Variants in IL2RA observed in about 807,000 individuals in gnomAD.
IL2RA encodes interleukin 2 receptor subunit alpha, also known as interleukin-2 receptor subunit alpha.
In IL2RA, 24 loss-of-function variants were observed where a neutral mutation model predicts 37.8. The ratio of observed to expected loss-of-function variants is 0.63; its 90% CI spans 0.46 to 0.89. The LOEUF is 0.89. Ranked by LOEUF, IL2RA falls within the 40% of genes least tolerant of loss-of-function variation. IL2RA has a pLI of 0.00. For synonymous variants in IL2RA, 125 were observed against 114.6 expected (o/e 1.09, Z -0.58); for missense variants, 319 against 348.6 (o/e 0.92, Z 0.68).
In IL2RA at chr10:6,021,664, T is replaced by C. The variant is rs1050040943; in HGVS notation, c.397A>G (p.Asn133Asp). Residue 133 changes from asparagine to aspartate, a missense_variant, in exon 4 of 8, where the codon AAT becomes GAT. Coordinates refer to ENST00000379959, the MANE Select transcript of IL2RA (RefSeq NM_000417.3). The surrounding 1 kb of genome is among the most constrained non-coding windows in gnomAD (Gnocchi z 4.9). ...TGATAAATTCTCTCTGTGGCTTCATTTTCCCATGGTGGAGGTTCCCTGCAG... is the reference window on the plus strand; with the variant it reads ...TGATAAATTCTCTCTGTGGCTTCATCTTCCCATGGTGGAGGTTCCCTGCAG... Reference protein sequence around the residue: ...GHCREPPPWENEATERIYHFV... With the variant: ...GHCREPPPWEDEATERIYHFV... 1.2e-6 allele frequency: 2 copies of C among 1,613,976 alleles called. No individual in the cohort carries two copies. Among genetic ancestry groups the C allele is most frequent in the African/African-American group, 2.7e-5 (2 of 74,900 alleles).
At chr10:6,026,720 G>A (rs1180128073) in intron 1 of IL2RA, among the ~76,000 whole-genome samples, 1 of 152,190 alleles carries the variant, frequency 6.6e-6, no homozygotes, top group African/African-American at 2.4e-5. Context: ...TTTGCAACAA[G>A]TTCTCTGCTC....
chr10:6,059,572 T>C (rs1443395796), intron 1 of IL2RA, among the ~76,000 whole-genome samples: 1 of 152,228 alleles, frequency 6.6e-6, no homozygotes, highest in African/African-American at 2.4e-5. Context: ...CCCAGCAATA[T>C]ACAGACTAAA....
intron 1 of IL2RA, among the ~76,000 whole-genome samples, chr10:6,027,488 G>A (rs564938381): frequency 6.6e-6 from 1 of 152,200 alleles, no homozygotes; most frequent in Non-Finnish European, 1.5e-5. Flanking sequence ...GATAAGGCAA[G>A]AGCAGCAGCA....
chr10:6,020,179 C>T lies in IL2RA; in HGVS notation c.584-238G>A, dbSNP rs990419783. Among the ~76,000 whole-genome samples, 2 of 152,170 alleles carry T rather than the reference C, an allele frequency of 1.3e-5. No homozygotes were observed. The highest frequency in any genetic ancestry group is 4.8e-5 in the African/African-American group (2 of 41,428). On this transcript the variant is annotated intron_variant, in intron 4 of 7. Transcript: ENST00000379959. This position sits in a 1 kb window ranked among gnomAD's most constrained non-coding sequence, Gnocchi z 5.6. ...TTCTAACTCTGACCCTAGCTGTCCCCAAAACTCTGAGCAATGCTTTCTCCC... is the reference window on the plus strand; with the variant it reads ...TTCTAACTCTGACCCTAGCTGTCCCTAAAACTCTGAGCAATGCTTTCTCCC...
At chr10:6,043,309 G>GTT (rs1474939305) in intron 1 of IL2RA, among the ~76,000 whole-genome samples, 6 of 152,196 alleles carry the variant, frequency 3.9e-5, no homozygotes, top group African/African-American at 1.4e-4. Flanking sequence ...CAAACCAGTA[G>GTT]TGTATATTGC....
rs902777449 is a variant in IL2RA, at chr10:6,018,225, G to A, written c.728-106C>T. 3.1e-5 allele frequency: 25 copies of A among 817,330 alleles called. No homozygotes were observed. The highest frequency in any genetic ancestry group is 9.8e-5 in the Admixed American group (5 of 50,942). 50.6% of individuals were successfully genotyped at this position (817,330 alleles called of 1,614,324 possible). ...TGAGGACATCCCCAAAGAGCAAGGC[G>A]GAGGCTGCAGCCTCTCTTCCCTGTC... On this transcript the variant is annotated intron_variant, in intron 6 of 7. Coordinates refer to ENST00000379959, the MANE Select transcript of IL2RA (RefSeq NM_000417.3). This position sits in a 1 kb window ranked among gnomAD's most constrained non-coding sequence, Gnocchi z 5.1.
Position 6,020,028 on chromosome 10 carries a change from C to T in IL2RA, c.584-87G>A, listed in dbSNP as rs1839359786. 9.1e-7 allele frequency: 1 copy of T among 1,104,734 alleles called. No homozygotes were observed. The highest frequency in any genetic ancestry group is 1.4e-6 in the Non-Finnish European group (1 of 719,980). The allele number at this position is 1,104,734 out of a possible 1,614,324, so 68.4% of individuals were successfully genotyped here. A position where few individuals can be genotyped will look rare whatever the true frequency, so the allele number is the denominator to read the frequency against. On this transcript the variant is annotated intron_variant, in intron 4 of 7. Coordinates refer to ENST00000379959, the MANE Select transcript of IL2RA (RefSeq NM_000417.3). This position sits in a 1 kb window ranked among gnomAD's most constrained non-coding sequence, Gnocchi z 5.6. ...CCCCGCCTGCCCCAGGCAGCCGGCC[C>T]CAGACACGCCCGAGGAGGCAGGAAT...
chr10:6,024,038 C>T (rs747538655), intron 3 of IL2RA, among the ~76,000 whole-genome samples: 2 of 152,144 alleles, frequency 1.3e-5, no homozygotes, highest in Non-Finnish European at 2.9e-5. Context: ...GATTGGCTGC[C>T]GTCAGATTGG....
At position 6,015,157 on chromosome 10, in the gene IL2RA, A is replaced by T. The variant is rs957253341; in HGVS notation, c.795-2261T>A. Among the ~76,000 whole-genome samples, 9 of 150,048 alleles carry T rather than the reference A, an allele frequency of 6.0e-5. No individual in the cohort carries two copies. Among genetic ancestry groups the T allele is most frequent in the Non-Finnish European group, 3.0e-5 (2 of 67,670 alleles). ...ACCCAGGGTGGAGTGCAGTGGTACG[A>T]TCTCAGCTCACTGCAGCCTCTGCCT... On this transcript the variant is annotated intron_variant, in intron 7 of 7. Transcript: ENST00000379959. This position sits in a 1 kb window ranked among gnomAD's most constrained non-coding sequence, Gnocchi z 4.9.
At chr10:6,043,734 G>A (rs1056418314) in intron 1 of IL2RA, among the ~76,000 whole-genome samples, 5 of 152,072 alleles carry the variant, frequency 3.3e-5, no homozygotes, top group Admixed American at 6.6e-5. Flanking sequence ...CATCACGCAC[G>A]ACAAGAGCAT....
In IL2RA at chr10:6,021,792, T is replaced by G; in HGVS notation, c.368-99A>C. On this transcript the variant is annotated intron_variant, in intron 3 of 7. Transcript: ENST00000379959. This position sits in a 1 kb window ranked among gnomAD's most constrained non-coding sequence, Gnocchi z 4.9. The stretch of plus-strand genomic sequence containing the variant: ...AGGGACTGGACCTTGGTTCTTACTC[T>G]CTTGACTGCTTGCTCATCCTTTCAT... 1.1e-6 allele frequency: 1 copy of G among 885,870 alleles called. No individual in the cohort carries two copies. Among genetic ancestry groups the G allele is most frequent in the Non-Finnish European group, 1.9e-6 (1 of 536,176 alleles). The allele number at this position is 885,870 out of a possible 1,614,324, so 54.9% of individuals were successfully genotyped here.
At position 6,029,691 on chromosome 10, in the gene IL2RA, T is replaced by C. The variant is rs4749921; in HGVS notation, c.65-3666A>G. On this transcript the variant is annotated intron_variant, in intron 1 of 7. Transcript: ENST00000379959. This position sits in a 1 kb window ranked among gnomAD's most constrained non-coding sequence, Gnocchi z 4.6. ...TGAGTGAAACAACAGGATATCTCAGTAGATAAATGAAAACTTGTAATTTTT... is the reference window on the plus strand; with the variant it reads ...TGAGTGAAACAACAGGATATCTCAGCAGATAAATGAAAACTTGTAATTTTT... 0.2 allele frequency among the ~76,000 whole-genome samples: 31,097 copies of C among 151,944 alleles called. 3,622 individuals carry two copies. Among genetic ancestry groups the C allele is most frequent in the East Asian group, 0.26 (1,337 of 5,156 alleles).
Position 6,011,605 on chromosome 10 carries a change from C to T in IL2RA, c.*1267G>A, listed in dbSNP as rs1570538. 63,581 of 152,244 alleles carry T rather than the reference C, an allele frequency of 0.42. 14,226 individuals are homozygous for T. Among genetic ancestry groups the T allele is most frequent in the Non-Finnish European group, 0.51 (34,688 of 68,158 alleles). The allele number at this position is 152,244 out of a possible 1,614,324, so 9.4% of individuals were successfully genotyped here. ...TTGCCCAGGCTGGAGTGCAGTGGTGCCATCATGACTGACTGCAGCCTCGAA... is the reference window on the plus strand; with the variant it reads ...TTGCCCAGGCTGGAGTGCAGTGGTGTCATCATGACTGACTGCAGCCTCGAA... On this transcript the variant is annotated 3_prime_UTR_variant, in exon 8 of 8. Coordinates refer to ENST00000379959, the MANE Select transcript of IL2RA (RefSeq NM_000417.3). This position sits in a 1 kb window ranked among gnomAD's most constrained non-coding sequence, Gnocchi z 5.2.
chr10:6,047,244 C>T lies in IL2RA; in HGVS notation c.64+14844G>A, dbSNP rs995904256. Reference sequence around the variant, plus strand: ...CAAGGAACAACCCCCATGCCAACAGCACTCCATCCCGACCTCATACCATGT... The same window carrying T: ...CAAGGAACAACCCCCATGCCAACAGTACTCCATCCCGACCTCATACCATGT... On this transcript the variant is annotated intron_variant, in intron 1 of 7. Coordinates refer to ENST00000379959, the MANE Select transcript of IL2RA (RefSeq NM_000417.3). The surrounding 1 kb of genome is among the most constrained non-coding windows in gnomAD (Gnocchi z 5.0). 6.6e-6 allele frequency among the ~76,000 whole-genome samples: 1 copy of T among 152,226 alleles called. No individual in the cohort carries two copies. Among genetic ancestry groups the T allele is most frequent in the Non-Finnish European group, 1.5e-5 (1 of 68,044 alleles).
In IL2RA at chr10:6,036,328, C is replaced by G. The variant is rs1839682403; in HGVS notation, c.65-10303G>C. ...GCTCTCTCCTTTCGAGTGTTCGACT[C>G]CACTCTCAGTCACTCGTCACTCTTC... On this transcript the variant is annotated intron_variant, in intron 1 of 7. Transcript: ENST00000379959. The surrounding 1 kb of genome is among the most constrained non-coding windows in gnomAD (Gnocchi z 6.1). 6.6e-6 allele frequency: 1 copy of G among 152,214 alleles called. No individual in the cohort carries two copies. Among genetic ancestry groups the G allele is most frequent in the African/African-American group, 2.4e-5 (1 of 41,456 alleles). 9.4% of individuals were successfully genotyped at this position (152,214 alleles called of 1,614,324 possible). A position where few individuals can be genotyped will look rare whatever the true frequency, so the allele number is the denominator to read the frequency against.
chr10:6,049,606 A>G (rs1839915891), intron 1 of IL2RA, among the ~76,000 whole-genome samples: 1 of 152,116 alleles, frequency 6.6e-6, no homozygotes, highest in African/African-American at 2.4e-5. Flanking sequence ...TTCTCTGGGA[A>G]GCCTCCGGGA....
At chr10:6,060,978 A>G (rs1840113457) in intron 1 of IL2RA, among the ~76,000 whole-genome samples, 1 of 152,188 alleles carries the variant, frequency 6.6e-6, no homozygotes, top group Admixed American at 6.5e-5. Flanking sequence ...TTCAAAAAAC[A>G]CTATAAACTT....
chr10:6,024,390 A>C, intron 2 of IL2RA, 36 bp from the exon 3 acceptor site: 1 of 1,425,586 alleles, frequency 7.0e-7, no homozygotes, highest in Non-Finnish European at 9.9e-7. Flanking sequence ...AGATAATTTC[A>C]CAAATGCTTC....
rs1386792855 is a variant in IL2RA at position 6,029,256 on chromosome 10, C to T, written c.65-3231G>A. 6.6e-6 allele frequency among the ~76,000 whole-genome samples: 1 copy of T among 150,948 alleles called. No homozygotes were observed. The highest frequency in any genetic ancestry group is 2.4e-5 in the African/African-American group (1 of 41,018). On this transcript the variant is annotated intron_variant, in intron 1 of 7. Coordinates refer to ENST00000379959, the MANE Select transcript of IL2RA (RefSeq NM_000417.3). The surrounding 1 kb of genome is among the most constrained non-coding windows in gnomAD (Gnocchi z 4.6). ...CTTGACTCACTGCAACCTCTGCCCC[C>T]CGGGTTCAAGCGATTCTCCTGCCTC...
Sources: allele counts gnomAD v4.1 joint callset (sites outside exome capture counted in the v4.1 genomes callset), GRCh38; gene constraint gnomAD v4.1.1; non-coding constraint Gnocchi (gnomAD v3.1); transcripts MANE v1.5; gene names NCBI Gene and HGNC (gene_info 2026-07-23, HGNC 2026-07-21).